Variants in UNC13C observed in about 807,000 individuals in gnomAD.
The protein encoded by UNC13C is protein unc-13 homolog C.
Under a neutral mutation model 245.4 loss-of-function variants are expected in UNC13C, and 174 were observed. The ratio of observed to expected loss-of-function variants is 0.71; its 90% CI spans 0.63 to 0.80. UNC13C has a LOEUF of 0.80. UNC13C is among the 30% of genes least tolerant of loss of function. The pLI, the probability that UNC13C is intolerant of heterozygous loss-of-function variation, is 0.00. For missense variants in UNC13C, 2,829 were observed against 2,602.9 expected, an observed-to-expected ratio of 1.09 and a Z score of -1.89; for synonymous variants, 992 against 895.1, an observed-to-expected ratio of 1.11 and a Z score of -1.93.
chr15:54,129,734 T>C (rs11634449), intron 2 of UNC13C, among the ~76,000 whole-genome samples: 55,629 of 151,186 alleles, frequency 0.37, 10,289 homozygotes, highest in Admixed American at 0.39. Context: ...AAATCTTTAC[T>C]GTACCTTTAA....
chr15:54,452,715 G>A (rs183222573), intron 19 of UNC13C, among the ~76,000 whole-genome samples: 24 of 152,350 alleles, frequency 1.6e-4, no homozygotes, highest in African/African-American at 4.3e-4. Context: ...GGCTGCATCT[G>A]CACTGTGGCC....
At chr15:54,071,045 T>A (rs1227501848) in intron 2 of UNC13C, among the ~76,000 whole-genome samples, 1 of 152,188 alleles carries the variant, frequency 6.6e-6, no homozygotes, top group Non-Finnish European at 1.5e-5. Context: ...TATGAACTTT[T>A]ATGAAAGAGT....
At chr15:54,484,037 G>C (rs1406435453) in intron 19 of UNC13C, among the ~76,000 whole-genome samples, 1 of 151,352 alleles carries the variant, frequency 6.6e-6, no homozygotes, top group East Asian at 2.0e-4. Flanking sequence ...TGAATTATTT[G>C]TTGCAGGGTT....
At chr15:54,182,398 T>C (rs1427016296) in intron 4 of UNC13C, among the ~76,000 whole-genome samples, 6 of 152,146 alleles carry the variant, frequency 3.9e-5, no homozygotes, top group African/African-American at 1.4e-4. Flanking sequence ...TTCATCATGG[T>C]GAATTAACTT....
At chr15:54,611,019 TGA>T (rs1281878533) in intron 30 of UNC13C, among the ~76,000 whole-genome samples, 2 of 152,306 alleles carry the variant, frequency 1.3e-5, no homozygotes, top group Non-Finnish European at 2.9e-5. Context: ...GTAATAGGTT[TGA>T]TCTGTAGAAA....
At chr15:54,418,439 C>T (rs1357594633) in intron 19 of UNC13C, among the ~76,000 whole-genome samples, 7 of 152,206 alleles carry the variant, frequency 4.6e-5, no homozygotes, top group African/African-American at 1.7e-4. Flanking sequence ...CCAAGGTGGA[C>T]AGATGTGTTC....
intron 4 of UNC13C, among the ~76,000 whole-genome samples, chr15:54,226,041 C>T (rs925797096): frequency 4.6e-5 from 7 of 152,044 alleles, no homozygotes; most frequent in African/African-American, 1.7e-4. Context: ...GATTGAAGGC[C>T]TTTTTGCATC....
chr15:53,886,273 C>A, the UNC13C span, among the ~76,000 whole-genome samples: 1 of 152,162 alleles, frequency 6.6e-6, no homozygotes, highest in South Asian at 2.1e-4. Context: ...AGGACTGGGG[C>A]ATATACAAGA....
At position 54,293,857 on chromosome 15, in the gene UNC13C, T is replaced by C; in HGVS notation, c.3819-38T>C. On this transcript the variant is annotated intron_variant, in intron 10 of 32. Coordinates refer to ENST00000260323, the MANE Select transcript of UNC13C (RefSeq NM_001080534.3). Reference sequence around the variant, plus strand: ...TAACATCAAATGGAATTTAGAGCAGTTTTCAATTGTTGTTAACTTATCCAC... The same window carrying C: ...TAACATCAAATGGAATTTAGAGCAGCTTTCAATTGTTGTTAACTTATCCAC... 2.7e-6 allele frequency: 4 copies of C among 1,467,688 alleles called. No individual in the cohort carries two copies. The South Asian group carries it at 4.5e-5, about 17-fold the overall frequency. 90.9% of individuals were successfully genotyped at this position (1,467,688 alleles called of 1,614,324 possible).
intron 2 of UNC13C, among the ~76,000 whole-genome samples, chr15:54,075,445 G>A (rs1220267264): frequency 9.4e-6 from 1 of 106,114 alleles, no homozygotes; most frequent in African/African-American, 2.8e-5. Context: ...AGCTTGCAGT[G>A]AGCCGGAGCT....
chr15:54,305,531 A>G (rs1346937444), intron 13 of UNC13C, among the ~76,000 whole-genome samples: 1 of 152,088 alleles, frequency 6.6e-6, no homozygotes, highest in Non-Finnish European at 1.5e-5. Flanking sequence ...TTATGAATAA[A>G]TCTATCTTTT....
At chr15:53,955,641 T>C in the UNC13C span, 1 of 152,186 alleles carries the variant, frequency 6.6e-6, no homozygotes, top group African/African-American at 2.4e-5. Flanking sequence ...TGTAGGGATA[T>C]AAATGGGAAG....
At chr15:54,009,516 G>A (rs1895285487) in intron 1 of UNC13C, among the ~76,000 whole-genome samples, 1 of 151,636 alleles carries the variant, frequency 6.6e-6, no homozygotes, top group Admixed American at 6.6e-5. Context: ...ACAAGATAAA[G>A]CAGTAGGAAA....
the UNC13C span, among the ~76,000 whole-genome samples, chr15:53,968,374 C>A: frequency 6.6e-6 from 1 of 152,116 alleles, no homozygotes; most frequent in South Asian, 2.1e-4. Flanking sequence ...TGGAAGGCTT[C>A]TATCAATCCA....
At position 54,015,223 on chromosome 15, in the gene UNC13C, GC is replaced by G; in HGVS notation, c.2324del (p.Pro775HisfsTer9). 1 of 1,613,200 alleles carries G rather than the reference GC, an allele frequency of 6.2e-7. No individual in the cohort carries two copies. Among genetic ancestry groups the G allele is most frequent in the South Asian group, 1.1e-5 (1 of 90,950 alleles). On this transcript the variant is annotated frameshift_variant, in exon 2 of 33. Transcript: ENST00000260323. LOFTEE classifies it high-confidence loss of function. ...SELQSDDSED[A>X]PPKSWHSRLS... ...ATTGCAAAGTGATGATTCAGAGGAT[GC>G]CCCACCCAAATCATGGCATAGTCGA...
At chr15:54,601,012 C>G (rs1899384583) in intron 30 of UNC13C, among the ~76,000 whole-genome samples, 2 of 150,454 alleles carry the variant, frequency 1.3e-5, no homozygotes, top group South Asian at 4.2e-4. Context: ...AAAAAAAAAT[C>G]ATTGTTTTAA....
intron 2 of UNC13C, among the ~76,000 whole-genome samples, chr15:54,075,260 C>T (rs371169121): frequency 6.6e-5 from 10 of 151,908 alleles, no homozygotes; most frequent in East Asian, 1.9e-4. Flanking sequence ...CCGAGGCGGG[C>T]GGATCACGAG....
chr15:53,958,899 C>T, the UNC13C span, among the ~76,000 whole-genome samples: 1 of 152,062 alleles, frequency 6.6e-6, no homozygotes, highest in Non-Finnish European at 1.5e-5. Context: ...TTATTCCTTC[C>T]ACGTAACTGC....
At chr15:53,853,646 G>A in the UNC13C span, among the ~76,000 whole-genome samples, 2 of 152,002 alleles carry the variant, frequency 1.3e-5, no homozygotes, top group African/African-American at 2.4e-5. Context: ...CTACAACTTC[G>A]CCAGTATCTG....
Sources: allele counts gnomAD v4.1 joint callset (sites outside exome capture counted in the v4.1 genomes callset), GRCh38; gene constraint gnomAD v4.1.1; transcripts MANE v1.5; gene names NCBI Gene and HGNC (gene_info 2026-07-23, HGNC 2026-07-21).